The following GPR158 variants were observed in gnomAD, a reference collection of about 807,000 sequenced individuals.
GPR158 encodes G protein-coupled receptor 158.
Under a neutral mutation model 78.2 loss-of-function variants are expected in GPR158, and 30 were observed. The observed-to-expected ratio is 0.38, with a 90% CI of 0.29 to 0.52. The LOEUF is 0.52. Ranked by LOEUF, GPR158 falls within the 20% of genes least tolerant of loss-of-function variation. The pLI is 0.83. For synonymous variants in GPR158, 581 were observed against 591.1 expected, an observed-to-expected ratio of 0.98 and a Z score of 0.25; for missense variants, 1,463 against 1,523.5, an observed-to-expected ratio of 0.96 and a Z score of 0.66.
intron 4 of GPR158, among the ~76,000 whole-genome samples, chr10:25,435,329 A>G (rs1834984206): frequency 6.6e-6 from 1 of 152,162 alleles, no homozygotes. Flanking sequence ...TTGGAGAGAT[A>G]ATGGGTTGGG....
chr10:25,205,980 G>A (rs1007393203), intron 1 of GPR158, among the ~76,000 whole-genome samples: 1 of 128,138 alleles, frequency 7.8e-6, no homozygotes, highest in African/African-American at 3.1e-5. Flanking sequence ...ATCCAAATGT[G>A]GGTCCCTCTT....
chr10:25,395,796 A>G, intron 2 of GPR158, 115 bp from the exon 3 acceptor site: 1 of 519,506 alleles, frequency 1.9e-6, no homozygotes, highest in East Asian at 3.2e-5. Flanking sequence ...GAGCTATTTT[A>G]TTTCTGGAAA....
In GPR158 at chr10:25,175,320, G is replaced by A. The variant is rs1407264851; in HGVS notation, c.-101G>A. 4.3e-6 allele frequency: 3 copies of A among 698,746 alleles called. No homozygotes were observed. The highest frequency in any genetic ancestry group is 1.8e-5 in the African/African-American group (1 of 55,852). The allele number at this position is 698,746 out of a possible 1,614,324, so 43.3% of individuals were successfully genotyped here. Reference sequence around the variant, plus strand: ...GACTGGGTGCCATCTGGAGAAGGGGGAAGACTCCTCGAAAAAGTCTGACTG... The same window carrying A: ...GACTGGGTGCCATCTGGAGAAGGGGAAAGACTCCTCGAAAAAGTCTGACTG... On this transcript the variant is annotated 5_prime_UTR_variant, in exon 1 of 11. Transcript: ENST00000376351. This position sits in a 1 kb window ranked among gnomAD's most constrained non-coding sequence, Gnocchi z 6.4.
At chr10:25,204,079 C>T (rs1852980155) in intron 1 of GPR158, among the ~76,000 whole-genome samples, 1 of 152,084 alleles carries the variant, frequency 6.6e-6, no homozygotes, top group African/African-American at 2.4e-5. Context: ...TATAGGAATG[C>T]TTGTGATTTT....
At chr10:25,189,231 C>T (rs1409103086) in intron 1 of GPR158, among the ~76,000 whole-genome samples, 1 of 152,170 alleles carries the variant, frequency 6.6e-6, no homozygotes, top group Non-Finnish European at 1.5e-5. Context: ...TGTGGCAATT[C>T]CTCAAGGATC....
chr10:25,581,966 G>A (rs550084593), intron 7 of GPR158, among the ~76,000 whole-genome samples: 1 of 152,146 alleles, frequency 6.6e-6, no homozygotes, highest in Non-Finnish European at 1.5e-5. Flanking sequence ...AAGGTGAAAG[G>A]CACGTCTTAA....
chr10:25,584,423 G>T lies in GPR158; in HGVS notation c.1754-4584G>T, dbSNP rs1260656403. 5.9e-5 allele frequency among the ~76,000 whole-genome samples: 9 copies of T among 152,262 alleles called. No individual in the cohort carries two copies. In the East Asian group the frequency reaches 1.7e-3, roughly 29 times the overall value. Reference sequence around the variant, plus strand: ...CAGCTACAGCATATTGTTTGGTATTGCTAATGAAATGATTTTAATGTTCAA... The same window carrying T: ...CAGCTACAGCATATTGTTTGGTATTTCTAATGAAATGATTTTAATGTTCAA... On this transcript the variant is annotated intron_variant, in intron 7 of 10. Transcript: ENST00000376351.
rs545693935 is a variant in GPR158, at chr10:25,217,353, T to C, written c.903-3699T>C. Among the ~76,000 whole-genome samples the C allele has an allele frequency of 2.8e-3, 432 of 152,286 alleles. 2 individuals carry two copies. Among genetic ancestry groups the C allele is most frequent in the Middle Eastern group, 0.014 (4 of 294 alleles). On this transcript the variant is annotated intron_variant, in intron 1 of 10. Coordinates refer to ENST00000376351, the MANE Select transcript of GPR158 (RefSeq NM_020752.3). Reference sequence around the variant, plus strand: ...GTTACTGGTCATTCTGGTATAGAAATGGCTTCTGGTAATACTCTTAATGCC... The same window carrying C: ...GTTACTGGTCATTCTGGTATAGAAACGGCTTCTGGTAATACTCTTAATGCC...
At position 25,511,432 on chromosome 10, in the gene GPR158, C is replaced by T. The variant is rs558958289; in HGVS notation, c.1405-39544C>T. 9.2e-5 allele frequency among the ~76,000 whole-genome samples: 14 copies of T among 152,068 alleles called. 1 individual carries two copies. The South Asian group carries it at 2.5e-3, about 27-fold the overall frequency. On this transcript the variant is annotated intron_variant, in intron 5 of 10. Transcript: ENST00000376351. ...GCTGATTTGAGTTTGTTGTAGATTC[C>T]GGATATTAGTCCTTTGTCAGATGTA...
chr10:25,187,103 T>A (rs1046545451), intron 1 of GPR158, among the ~76,000 whole-genome samples: 1 of 151,810 alleles, frequency 6.6e-6, no homozygotes, highest in African/African-American at 2.4e-5. Flanking sequence ...TATCTAGGAC[T>A]ACAGGCGCCC....
Position 25,517,634 on chromosome 10 carries a change from T to C in GPR158, c.1405-33342T>C, listed in dbSNP as rs973309756. 8.6e-3 allele frequency among the ~76,000 whole-genome samples: 1,309 copies of C among 152,166 alleles called. 19 individuals are homozygous for C. Among genetic ancestry groups the C allele is most frequent in the African/African-American group, 0.03 (1,240 of 41,432 alleles). The stretch of plus-strand genomic sequence containing the variant: ...TTCTGCATCTATTGAGATAATCATG[T>C]GGTTTTTGTCTTTAGTTCTGTTTAT... On this transcript the variant is annotated intron_variant, in intron 5 of 10. Coordinates refer to ENST00000376351, the MANE Select transcript of GPR158 (RefSeq NM_020752.3).
intron 9 of GPR158, 38 bp downstream of exon 9, chr10:25,594,435 AT>A (rs781016022): frequency 6.8e-6 from 6 of 881,306 alleles, no homozygotes; most frequent in African/African-American, 1.7e-5. Context: ...TGCAAAACTT[AT>A]TTTTAATGAA....
intron 4 of GPR158, among the ~76,000 whole-genome samples, chr10:25,460,338 A>T (rs1835342014): frequency 6.6e-6 from 1 of 152,034 alleles, no homozygotes; most frequent in South Asian, 2.1e-4. Flanking sequence ...AGTAGCTGGG[A>T]CTACAGGCAC....
chr10:25,270,995 C>A (rs1380556393), intron 2 of GPR158, among the ~76,000 whole-genome samples: 1 of 152,192 alleles, frequency 6.6e-6, no homozygotes, highest in South Asian at 2.1e-4. Flanking sequence ...TTTTAAAAAT[C>A]TTCATCTCAT....
intron 2 of GPR158, among the ~76,000 whole-genome samples, chr10:25,325,934 G>T (rs955533692): frequency 1.8e-4 from 27 of 149,114 alleles, no homozygotes; most frequent in African/African-American, 6.7e-4. Context: ...GTCTATTCAG[G>T]TTCTTTGCCC....
chr10:25,290,428 G>A (rs1201744643), intron 2 of GPR158, among the ~76,000 whole-genome samples: 1 of 152,102 alleles, frequency 6.6e-6, no homozygotes, highest in African/African-American at 2.4e-5. Flanking sequence ...TGTATTGACA[G>A]TCTACAGAAT....
chr10:25,203,430 A>G (rs1852965214), intron 1 of GPR158, among the ~76,000 whole-genome samples: 1 of 152,108 alleles, frequency 6.6e-6, no homozygotes. Flanking sequence ...TAATTTTTGT[A>G]TAAGGTGTAA....
At chr10:25,562,631 G>C (rs1231069050) in intron 6 of GPR158, among the ~76,000 whole-genome samples, 1 of 152,184 alleles carries the variant, frequency 6.6e-6, no homozygotes, top group East Asian at 1.9e-4. Context: ...TGTGGTCAGA[G>C]AAGATACTTT....
intron 2 of GPR158, among the ~76,000 whole-genome samples, chr10:25,325,165 C>G (rs1343394290): frequency 1.3e-5 from 2 of 152,100 alleles, no homozygotes; most frequent in East Asian, 3.9e-4. Context: ...GTCATTTTCA[C>G]AGATTAAATC....
Sources: gnomAD v4.1 joint callset for allele counts (sites outside exome capture counted in the v4.1 genomes callset) on GRCh38, gnomAD v4.1.1 for gene constraint, Gnocchi (gnomAD v3.1) non-coding constraint, MANE v1.5 for transcripts, NCBI Gene and HGNC (gene_info 2026-07-23, HGNC 2026-07-21) for gene names.